GNAI3: variants seen among roughly 807,000 people sequenced by gnomAD.
The protein encoded by GNAI3 is G protein subunit alpha i3, also known as guanine nucleotide-binding protein G(i) subunit alpha-3.
GNAI3 carries 12 observed loss-of-function variants against 41.8 expected under a neutral mutation model. The ratio of observed to expected loss-of-function variants is 0.29; its 90% CI spans 0.18 to 0.47. The LOEUF is 0.47. Among genes scored for constraint, GNAI3 ranks in the 20% least tolerant of loss-of-function variants. The probability of loss-of-function intolerance (pLI) is 1.00; values close to 1 mark genes in which losing one functional copy is unlikely to be tolerated. For synonymous variants in GNAI3, 132 were observed against 146.5 expected, an observed-to-expected ratio of 0.90 and a Z score of 0.71; for missense variants, 360 against 429.6, an observed-to-expected ratio of 0.84 and a Z score of 1.43.
In GNAI3 at chr1:109,596,742, ACAG is replaced by A. The variant is rs1162890116; in HGVS notation, c.*4424_*4426del. ...AATAAGAGGTAAGAAGGAATGTTAA[ACAG>A]CAGTAGTTACCTGGGGTACATGGTT... On this transcript the variant is annotated 3_prime_UTR_variant, in exon 9 of 9. Transcript: ENST00000369851. 2 of 152,214 alleles carry A rather than the reference ACAG, an allele frequency of 1.3e-5. No individual in the cohort carries two copies. Among genetic ancestry groups the A allele is most frequent in the Non-Finnish European group, 2.9e-5 (2 of 68,046 alleles). The allele number at this position is 152,214 out of a possible 1,614,324, so 9.4% of individuals were successfully genotyped here.
At chr1:109,568,279 A>T (rs879568727) in intron 1 of GNAI3, among the ~76,000 whole-genome samples, 6 of 152,164 alleles carry the variant, frequency 3.9e-5, no homozygotes, top group Non-Finnish European at 8.8e-5. Context: ...TCGCCCCTGT[A>T]ATACCAGCAC....
At chr1:109,581,235 A>G (rs1223987895) in intron 4 of GNAI3, among the ~76,000 whole-genome samples, 1 of 152,018 alleles carries the variant, frequency 6.6e-6, no homozygotes, top group African/African-American at 2.4e-5. Flanking sequence ...TCCCTGAACA[A>G]ATTAATTTTT....
intron 1 of GNAI3, among the ~76,000 whole-genome samples, chr1:109,573,115 A>G (rs941760779): frequency 6.6e-6 from 1 of 152,140 alleles, no homozygotes; most frequent in Admixed American, 6.5e-5. Context: ...AAATGAGTTG[A>G]CTAGGGAAGA....
chr1:109,586,479 C>T (rs1410739856), intron 6 of GNAI3, 134 bp downstream of exon 6: 4 of 904,160 alleles, frequency 4.4e-6, no homozygotes, highest in Admixed American at 2.7e-5. Flanking sequence ...GATCTGTGCC[C>T]TATTACTCTA....
intron 6 of GNAI3, 106 bp from the exon 7 acceptor site, chr1:109,586,623 C>T (rs1649038798): frequency 7.5e-6 from 6 of 802,172 alleles, no homozygotes; most frequent in South Asian, 1.8e-5. Context: ...GACTTATTTC[C>T]GTGAATGCCA....
rs749573857 is a variant in GNAI3 at position 109,573,900 on chromosome 1, A to G, written c.166A>G (p.Ile56Val). The G allele has an allele frequency of 1.2e-6, 2 of 1,610,812 alleles. No homozygotes were observed. The highest frequency in any genetic ancestry group is 8.5e-7 in the Non-Finnish European group (1 of 1,177,660). The stretch of plus-strand genomic sequence containing the variant: ...GTGGTTTTCTTTGTTTTAAAGAATC[A>G]TTCATGAGGATGGCTATTCAGAGGA... Reference protein sequence around the residue: ...KSTIVKQMKIIHEDGYSEDEC... With the variant: ...KSTIVKQMKIVHEDGYSEDEC... Residue 56 changes from isoleucine to valine, a missense_variant, in exon 3 of 9, where the codon ATT becomes GTT. By Grantham distance (29) the Ile-to-Val change is conservative. Transcript: ENST00000369851.
rs59781731 is a variant in GNAI3 at position 109,586,461 on chromosome 1, A to C, written c.720+116A>C. On this transcript the variant is annotated intron_variant, in intron 6 of 8. Transcript: ENST00000369851. ...ATTCAACCAAAACTTAGTATCTTTA[A>C]TTTTTTTGATCTGTGCCCTATTACT... 1.7e-3 allele frequency: 1,797 copies of C among 1,058,690 alleles called. 22 individuals carry two copies. In the African/African-American group the frequency reaches 0.026, roughly 15 times the overall value. 65.6% of individuals were successfully genotyped at this position (1,058,690 alleles called of 1,614,324 possible).
intron 5 of GNAI3, 103 bp downstream of exon 5, chr1:109,582,668 G>A (rs1648924908): frequency 1.4e-6 from 1 of 732,376 alleles, no homozygotes; most frequent in Admixed American, 2.1e-5. Context: ...AGTATTCCTT[G>A]GTTTAAACTT....
intron 1 of GNAI3, among the ~76,000 whole-genome samples, chr1:109,552,922 G>C (rs1228065464): frequency 6.6e-6 from 1 of 152,108 alleles, no homozygotes; most frequent in African/African-American, 2.4e-5. Context: ...TATTAGCTCT[G>C]AGACCCAGAG....
chr1:109,550,362 A>G (rs1647949393), intron 1 of GNAI3, among the ~76,000 whole-genome samples: 1 of 152,164 alleles, frequency 6.6e-6, no homozygotes, highest in Admixed American at 6.5e-5. Context: ...TGCGAGTTCA[A>G]ATTGTAGTTC....
Position 109,599,318 on chromosome 1 carries a change from C to T in GNAI3, c.*6996C>T, listed in dbSNP as rs1010853199. The T allele has an allele frequency of 6.4e-6, 1 of 155,224 alleles. No individual in the cohort carries two copies. Among genetic ancestry groups the T allele is most frequent in the South Asian group, 1.8e-4 (1 of 5,418 alleles). The allele number at this position is 155,224 out of a possible 1,614,324, so 9.6% of individuals were successfully genotyped here. ...TAAGTACATTCACACTGTTGCACAG[C>T]CATCACCACCATCCATTTCCAGAAC... On this transcript the variant is annotated 3_prime_UTR_variant, in exon 9 of 9. Transcript: ENST00000369851.
chr1:109,573,508 C>T (rs947019085), intron 1 of GNAI3, among the ~76,000 whole-genome samples: 14 of 152,142 alleles, frequency 9.2e-5, no homozygotes, highest in Non-Finnish European at 1.9e-4. Flanking sequence ...TGATACCAAG[C>T]AAGCCCTAGG....
At chr1:109,591,812 C>T (rs780475001) in intron 7 of GNAI3, among the ~76,000 whole-genome samples, 25 of 152,082 alleles carry the variant, frequency 1.6e-4, no homozygotes, top group African/African-American at 3.1e-4. Context: ...AGAAATTTAA[C>T]GTTATGTTTT....
chr1:109,577,999 A>C (rs1392291454), intron 3 of GNAI3, among the ~76,000 whole-genome samples: 2 of 152,132 alleles, frequency 1.3e-5, no homozygotes, highest in Non-Finnish European at 2.9e-5. Context: ...GTTATTTGGA[A>C]TCTCTCAAGG....
chr1:109,590,489 T>G (rs1338273690), intron 7 of GNAI3, among the ~76,000 whole-genome samples: 6 of 152,196 alleles, frequency 3.9e-5, no homozygotes, highest in East Asian at 1.9e-4. Flanking sequence ...TTACAGAGGT[T>G]GTTTTCCAGA....
intron 1 of GNAI3, among the ~76,000 whole-genome samples, chr1:109,561,256 A>G (rs1648301418): frequency 6.6e-6 from 1 of 152,190 alleles, no homozygotes; most frequent in Non-Finnish European, 1.5e-5. Context: ...CTTTTTCTAG[A>G]CTACTCAATG....
chr1:109,594,391 T>G lies in GNAI3; in HGVS notation c.*2069T>G, dbSNP rs1649245396. On this transcript the variant is annotated 3_prime_UTR_variant, in exon 9 of 9. Transcript: ENST00000369851. ...TATTTTCATTTGAATATCTATCTGA[T>G]ATGTTAAATTTTTAGCCCTTCTGTT... The G allele has an allele frequency of 6.6e-6, 1 of 152,228 alleles. No homozygotes were observed. The highest frequency in any genetic ancestry group is 6.5e-5 in the Admixed American group (1 of 15,284). The allele number at this position is 152,228 out of a possible 1,614,324, so 9.4% of individuals were successfully genotyped here.
chr1:109,592,010 A>G (rs372549142), intron 7 of GNAI3, 33 bp from the exon 8 acceptor site: 27 of 1,471,380 alleles, frequency 1.8e-5, no homozygotes, highest in Non-Finnish European at 2.3e-5. Flanking sequence ...AGCTGTTACA[A>G]TTTGAACTGA....
chr1:109,551,960 G>A (rs375260931), intron 1 of GNAI3, among the ~76,000 whole-genome samples: 6 of 152,182 alleles, frequency 3.9e-5, no homozygotes, highest in African/African-American at 1.4e-4. Context: ...TCAGGAGTTC[G>A]AGACCAGCCT....
Sources: allele counts gnomAD v4.1 joint callset (sites outside exome capture counted in the v4.1 genomes callset), GRCh38; gene constraint gnomAD v4.1.1; transcripts MANE v1.5; gene names NCBI Gene and HGNC (gene_info 2026-07-23, HGNC 2026-07-21).